GABRA2: variants seen among roughly 807,000 people sequenced by gnomAD.
GABRA2 encodes the protein gamma-aminobutyric acid type A receptor subunit alpha2.
Under a neutral mutation model 48.7 loss-of-function variants are expected in GABRA2, and 16 were observed. The ratio of observed to expected loss-of-function variants is 0.33; its 90% CI spans 0.22 to 0.50. GABRA2 has a LOEUF of 0.50. Ranked by LOEUF, GABRA2 falls within the 20% of genes least tolerant of loss-of-function variation. The pLI is 0.98. For synonymous variants in GABRA2, 185 were observed against 184.5 expected, an observed-to-expected ratio of 1.00 and a Z score of -0.02; for missense variants, 275 against 535.6, an observed-to-expected ratio of 0.51 and a Z score of 4.80.
intron 3 of GABRA2, among the ~76,000 whole-genome samples, chr4:46,362,108 G>C (rs1470724344): frequency 6.6e-6 from 1 of 152,166 alleles, no homozygotes; most frequent in Non-Finnish European, 1.5e-5. Flanking sequence ...GGACTGTTGG[G>C]AAGGCATAAT....
intron 3 of GABRA2, among the ~76,000 whole-genome samples, chr4:46,337,856 TGAA>T (rs1353627822): frequency 6.6e-6 from 1 of 151,778 alleles, no homozygotes; most frequent in Non-Finnish European, 1.5e-5. Flanking sequence ...GGTAAGGACA[TGAA>T]GAGAGTAAGT....
chr4:46,261,909 C>T lies in GABRA2; in HGVS notation c.1059+17G>A, dbSNP rs751606338. The T allele has an allele frequency of 1.9e-6, 3 of 1,598,300 alleles. No homozygotes were observed. Among genetic ancestry groups the T allele is most frequent in the East Asian group, 2.2e-5 (1 of 44,726 alleles). ...GGGTATTTTCTTAATAATGATAACA[C>T]GGAAGCTCTCACTTACCTTGTCATT... is the stretch of plus-strand genomic sequence containing the variant. On this transcript the variant is annotated intron_variant, in intron 9 of 9. Transcript: ENST00000381620.
intron 8 of GABRA2, among the ~76,000 whole-genome samples, chr4:46,288,435 G>C (rs368201094): frequency 6.6e-6 from 1 of 152,022 alleles, no homozygotes; most frequent in Admixed American, 6.6e-5. Flanking sequence ...CTTGATCTTC[G>C]ACAAACCTGA....
chr4:46,346,632 T>C (rs905586038), intron 3 of GABRA2, among the ~76,000 whole-genome samples: 4 of 148,898 alleles, frequency 2.7e-5, no homozygotes, highest in Non-Finnish European at 5.9e-5. Flanking sequence ...ATATTTATTA[T>C]ATTTATTATT....
intron 3 of GABRA2, among the ~76,000 whole-genome samples, chr4:46,377,443 G>C (rs1253578383): frequency 2.6e-5 from 4 of 150,952 alleles, no homozygotes; most frequent in African/African-American, 9.7e-5. Flanking sequence ...GAGAAGTGAG[G>C]AGACCCTCTG....
At chr4:46,379,256 T>C (rs897266991) in intron 3 of GABRA2, among the ~76,000 whole-genome samples, 2 of 152,176 alleles carry the variant, frequency 1.3e-5, no homozygotes, top group Admixed American at 1.3e-4. Context: ...CAGCATGCTA[T>C]TTCCATGCCA....
chr4:46,265,022 T>TAG (rs143456622), intron 8 of GABRA2, among the ~76,000 whole-genome samples: 1,601 of 135,466 alleles, frequency 0.012, 45 homozygotes, highest in Admixed American at 0.059. Context: ...GAGAGAGAGA[T>TAG]AGAGAGAGAG....
intron 5 of GABRA2, among the ~76,000 whole-genome samples, chr4:46,310,462 A>G (rs1391331078): frequency 6.6e-6 from 1 of 152,232 alleles, no homozygotes; most frequent in Non-Finnish European, 1.5e-5. Flanking sequence ...ACTGAAAATA[A>G]TAATTAAAAA....
intron 3 of GABRA2, among the ~76,000 whole-genome samples, chr4:46,345,059 CT>C (rs1400279064): frequency 6.6e-6 from 1 of 151,802 alleles, no homozygotes; most frequent in African/African-American, 2.4e-5. Flanking sequence ...GCAGTTTCCC[CT>C]ATGCTGTTCT....
chr4:46,356,801 G>A (rs145685508), intron 3 of GABRA2, among the ~76,000 whole-genome samples: 20 of 152,134 alleles, frequency 1.3e-4, no homozygotes, highest in Non-Finnish European at 2.2e-4. Context: ...TCCCTAGAGG[G>A]GACATTATTC....
At chr4:46,284,815 A>T (rs929421157) in intron 8 of GABRA2, among the ~76,000 whole-genome samples, 20 of 152,090 alleles carry the variant, frequency 1.3e-4, no homozygotes, top group Middle Eastern at 6.8e-3. Context: ...AAAATTAATT[A>T]AAAAATTAAA....
rs1714375622 is a variant in GABRA2 at position 46,249,825 on chromosome 4, A to G, written c.*483T>C. The G allele has an allele frequency of 6.5e-6, 1 of 154,162 alleles. No homozygotes were observed. Among genetic ancestry groups the G allele is most frequent in the African/African-American group, 2.4e-5 (1 of 41,374 alleles). The allele number at this position is 154,162 out of a possible 1,614,324, so 9.5% of individuals were successfully genotyped here. On this transcript the variant is annotated 3_prime_UTR_variant, in exon 10 of 10. Coordinates refer to ENST00000381620, the MANE Select transcript of GABRA2 (RefSeq NM_000807.4). ...TTTTCTTATGTGTACCAAGCTTCCA[A>G]TTACATTAGCAGGGACTCTGAGCAC...
At chr4:46,264,832 G>A (rs1012157932) in intron 8 of GABRA2, among the ~76,000 whole-genome samples, 1 of 151,636 alleles carries the variant, frequency 6.6e-6, no homozygotes, top group Non-Finnish European at 1.5e-5. Flanking sequence ...TTAATTGGAA[G>A]ATTTTGTTTA....
At chr4:46,361,770 C>T (rs921731148) in intron 3 of GABRA2, among the ~76,000 whole-genome samples, 5 of 152,188 alleles carry the variant, frequency 3.3e-5, no homozygotes, top group Non-Finnish European at 7.3e-5. Context: ...GGCCATGGGC[C>T]GAGCTGCCCA....
intron 9 of GABRA2, among the ~76,000 whole-genome samples, chr4:46,258,179 T>G (rs953453858): frequency 4.0e-5 from 6 of 151,774 alleles, no homozygotes; most frequent in Non-Finnish European, 7.4e-5. Context: ...TAATACCTCT[T>G]TAACTCATAC....
In GABRA2 at chr4:46,319,756, C is replaced by T. The variant is rs922039657; in HGVS notation, c.256-7040G>A. Among the ~76,000 whole-genome samples the T allele has an allele frequency of 2.4e-4, 37 of 151,678 alleles. No individual in the cohort carries two copies. In the East Asian group the frequency reaches 6.8e-3, roughly 28 times the overall value. ...GGAACTAGGGGCCAGGCAAATTTCA[C>T]TAACAAATTAGAAAATGTTACTAAA... On this transcript the variant is annotated intron_variant, in intron 4 of 9. Transcript: ENST00000381620.
At position 46,244,523 on chromosome 4, in the gene GABRA2, C is replaced by A. The variant is rs542432; in HGVS notation, c.*5785G>T. On this transcript the variant is annotated 3_prime_UTR_variant, in exon 10 of 10. Transcript: ENST00000381620. ...GCAATTGCAATCCCACCGGTGGCAT[C>A]CCTTGGGATCAATTCAGGCGTCATT... Among the ~76,000 whole-genome samples the A allele has an allele frequency of 0.61, 92,672 of 151,140 alleles. 28,861 individuals are homozygous for A. Among genetic ancestry groups the A allele is most frequent in the South Asian group, 0.78 (3,754 of 4,824 alleles).
chr4:46,283,704 C>CA (rs1290085019), intron 8 of GABRA2, among the ~76,000 whole-genome samples: 1 of 152,186 alleles, frequency 6.6e-6, no homozygotes, highest in African/African-American at 2.4e-5. Flanking sequence ...TCTCTGTACT[C>CA]ACCAAAAATC....
rs773181615 is a variant in GABRA2 at position 46,357,947 on chromosome 4, C to T, written c.188-25265G>A. ...TTCTGGGATTACAGGTGTGAGCCAC[C>T]GCGCCCAGCTGTGAAACTTTCATAC... On this transcript the variant is annotated intron_variant, in intron 3 of 9. Coordinates refer to ENST00000381620, the MANE Select transcript of GABRA2 (RefSeq NM_000807.4). Among the ~76,000 whole-genome samples the T allele has an allele frequency of 5.9e-5, 9 of 152,062 alleles. No homozygotes were observed. In the South Asian group the frequency reaches 6.2e-4, roughly 11 times the overall value.
Sources: allele counts gnomAD v4.1 joint callset (sites outside exome capture counted in the v4.1 genomes callset), GRCh38; gene constraint gnomAD v4.1.1; transcripts MANE v1.5; gene names NCBI Gene and HGNC (gene_info 2026-07-23, HGNC 2026-07-21).